TMEM165: variants seen among roughly 807,000 people sequenced by gnomAD.
TMEM165 encodes the protein transmembrane protein 165, also known as putative divalent cation/proton antiporter TMEM165.
In TMEM165, 19 loss-of-function variants were observed where a neutral mutation model predicts 30.0. That is an observed-to-expected ratio of 0.63 (90% CI 0.44 to 0.93). The LOEUF (loss-of-function observed/expected upper bound fraction) is 0.93. Ranked by LOEUF, TMEM165 falls within the 40% of genes least tolerant of loss-of-function variation. TMEM165 has a pLI of 0.00. For synonymous variants in TMEM165, 168 were observed against 162.9 expected (o/e 1.03, Z -0.24); for missense variants, 340 against 417.0 (o/e 0.82, Z 1.61).
intron 4 of TMEM165, among the ~76,000 whole-genome samples, chr4:55,420,106 A>AAAAAAAAAATATATATATAT (rs1474254120): frequency 2.2e-5 from 1 of 45,452 alleles, no homozygotes; most frequent in African/African-American, 8.2e-5. Context: ...AAGAAAAAAA[A>AAAAAAAAAATATATATATAT]ATATATATAT....
chr4:55,431,013 A>G (rs1490248757), downstream of TMEM165: 2 of 152,212 alleles, frequency 1.3e-5, no homozygotes, highest in Admixed American at 1.3e-4. Context: ...GTCATTTTAT[A>G]TAATTTCACC....
intron 3 of TMEM165, among the ~76,000 whole-genome samples, chr4:55,442,843 T>C (rs1723486298): frequency 1.3e-5 from 2 of 152,106 alleles, no homozygotes; most frequent in African/African-American, 2.4e-5. Context: ...AGGCAAGCTA[T>C]GACTTTAGAA....
At chr4:55,451,283 T>A (rs1724425390) in intron 3 of TMEM165, among the ~76,000 whole-genome samples, 2 of 152,222 alleles carry the variant, frequency 1.3e-5, no homozygotes, top group African/African-American at 4.8e-5. Flanking sequence ...AACACTCATC[T>A]AAAATTTAAC....
chr4:55,417,276 A>G, intron 3 of TMEM165, 29 bp downstream of exon 3: 7 of 1,594,644 alleles, frequency 4.4e-6, no homozygotes, highest in Non-Finnish European at 6.0e-6. Flanking sequence ...GATCTGGACC[A>G]AAAAGGCACT....
intron 1 of TMEM165, 90 bp downstream of exon 1, chr4:55,396,486 G>A (rs1720733229): frequency 2.6e-6 from 3 of 1,161,634 alleles, no homozygotes; most frequent in Admixed American, 4.2e-5. Flanking sequence ...GCACTCCGCC[G>A]GCCTCGGCTG....
chr4:55,427,203 T>C (rs1338074738), downstream of TMEM165, among the ~76,000 whole-genome samples: 1 of 150,350 alleles, frequency 6.7e-6, no homozygotes, highest in Non-Finnish European at 1.5e-5. Flanking sequence ...CTGGCTAATT[T>C]TTTGTATTTT....
intron 4 of TMEM165, among the ~76,000 whole-genome samples, chr4:55,421,553 C>T (rs1299973560): frequency 6.6e-6 from 1 of 152,034 alleles, no homozygotes; most frequent in East Asian, 1.9e-4. Context: ...CCACCTTGGC[C>T]TCCCAAAGTG....
chr4:55,444,210 C>T (rs947479242), intron 3 of TMEM165, among the ~76,000 whole-genome samples: 17 of 152,108 alleles, frequency 1.1e-4, no homozygotes, highest in Admixed American at 1.1e-3. Flanking sequence ...TTTCCCTTTA[C>T]CAAAGTCATA....
At chr4:55,450,633 T>C (rs558996068) in intron 3 of TMEM165, among the ~76,000 whole-genome samples, 34 of 152,200 alleles carry the variant, frequency 2.2e-4, no homozygotes, top group Admixed American at 8.5e-4. Flanking sequence ...CCAGGCATGA[T>C]GGCAGATGCC....
downstream of TMEM165, among the ~76,000 whole-genome samples, chr4:55,426,390 G>A (rs1045791621): frequency 6.6e-6 from 1 of 152,146 alleles, no homozygotes; most frequent in Non-Finnish European, 1.5e-5. Context: ...CTCACCCAAG[G>A]TTACATGGTA....
chr4:55,432,050 T>C (rs1698162095), intron 3 of TMEM165: 1 of 152,206 alleles, frequency 6.6e-6, no homozygotes, highest in South Asian at 2.1e-4. Context: ...CTATTCCAAA[T>C]CACTGGCATC....
chr4:55,417,375 G>C lies in TMEM165; in HGVS notation c.609+128G>C, dbSNP rs984949266. ...ACACAAAAATAGCTTCTTTTGCTTTGTTCTGTTCTTATACCTGTCTGTGAT... is the reference window on the plus strand; with the variant it reads ...ACACAAAAATAGCTTCTTTTGCTTTCTTCTGTTCTTATACCTGTCTGTGAT... On this transcript the variant is annotated intron_variant, in intron 3 of 5. Transcript: ENST00000381334. The C allele has an allele frequency of 3.2e-6, 3 of 941,508 alleles. No individual in the cohort carries two copies. The African/African-American group carries it at 5.0e-5, about 16-fold the overall frequency. 58.3% of individuals were successfully genotyped at this position (941,508 alleles called of 1,614,324 possible). A position where few individuals can be genotyped will look rare whatever the true frequency, so the allele number is the denominator to read the frequency against.
At chr4:55,397,836 T>C (rs1560384515) in intron 1 of TMEM165, among the ~76,000 whole-genome samples, 1 of 152,232 alleles carries the variant, frequency 6.6e-6, no homozygotes, top group East Asian at 1.9e-4. Context: ...AACCTCTAAT[T>C]GATCCTCCCA....
At position 55,443,703 on chromosome 4, in the gene TMEM165, T is replaced by C. The variant is rs773994901; in HGVS notation, c.409-8536T>C. ...TAACATTACCTGAGTTGATGTACTCTGTAAAGTCTGTTGTTGTATCATGTG... is the reference window on the plus strand; with the variant it reads ...TAACATTACCTGAGTTGATGTACTCCGTAAAGTCTGTTGTTGTATCATGTG... On this transcript the variant is annotated intron_variant, in intron 3 of 3. Transcript: ENST00000608091. 5 of 1,614,052 alleles carry C rather than the reference T, an allele frequency of 3.1e-6. No homozygotes were observed. The South Asian group carries it at 5.5e-5, about 18-fold the overall frequency.
intron 3 of TMEM165, chr4:55,431,881 G>A (rs960867338): frequency 3.3e-5 from 5 of 152,198 alleles, no homozygotes; most frequent in African/African-American, 1.2e-4. Context: ...AAGGCTTCCT[G>A]AACAAGGGTT....
At chr4:55,441,733 G>C (rs185363492) in intron 3 of TMEM165, among the ~76,000 whole-genome samples, 8 of 152,268 alleles carry the variant, frequency 5.3e-5, no homozygotes, top group African/African-American at 1.9e-4. Flanking sequence ...GGAGGATGGT[G>C]GGGGTGAGGG....
chr4:55,438,205 A>T lies in TMEM165; in HGVS notation c.408+13562A>T, dbSNP rs111244134. The T allele has an allele frequency of 4.6e-6, 7 of 1,527,444 alleles. No homozygotes were observed. In the African/African-American group the frequency reaches 5.5e-5, roughly 12 times the overall value. 94.6% of individuals were successfully genotyped at this position (1,527,444 alleles called of 1,614,324 possible). On this transcript the variant is annotated intron_variant, in intron 3 of 3. Transcript: ENST00000608091. ...TTGTGAATTTTTCACATCACTCACA[A>T]ATCTGTTCACTTAATGCTTAATTTC...
intron 1 of TMEM165, among the ~76,000 whole-genome samples, chr4:55,398,684 C>G (rs1720828641): frequency 6.6e-6 from 1 of 151,982 alleles, no homozygotes; most frequent in Non-Finnish European, 1.5e-5. Flanking sequence ...TTTATCTGCC[C>G]CTACTAGCTT....
downstream of TMEM165, chr4:55,431,136 A>G (rs1480204108): frequency 1.3e-5 from 2 of 152,198 alleles, no homozygotes; most frequent in Non-Finnish European, 2.9e-5. Flanking sequence ...TGATGCTTTT[A>G]GACTGTGGTA....
Sources: allele counts gnomAD v4.1 joint callset (sites outside exome capture counted in the v4.1 genomes callset), GRCh38; gene constraint gnomAD v4.1.1; transcripts MANE v1.5; gene names NCBI Gene and HGNC (gene_info 2026-07-23, HGNC 2026-07-21).